ARHGAP15: variants seen among roughly 807,000 people sequenced by gnomAD.
ARHGAP15 encodes the protein Rho GTPase activating protein 15, also known as rho GTPase-activating protein 15.
In ARHGAP15, 51 loss-of-function variants were observed where a neutral mutation model predicts 63.7. That is an observed-to-expected ratio of 0.80 (90% CI 0.64 to 1.01). The LOEUF is 1.01. ARHGAP15 is among the 50% of genes least tolerant of loss of function. The pLI is 0.00. For missense variants in ARHGAP15, 560 were observed against 564.6 expected, an observed-to-expected ratio of 0.99 and a Z score of 0.08; for synonymous variants, 191 against 193.8, an observed-to-expected ratio of 0.99 and a Z score of 0.12.
At chr2:143,394,874 TGAG>T (rs1472793071) in intron 6 of ARHGAP15, among the ~76,000 whole-genome samples, 1 of 152,078 alleles carries the variant, frequency 6.6e-6, no homozygotes, top group African/African-American at 2.4e-5. Context: ...CTATGTCTTA[TGAG>T]GAGGAGAAAA....
At chr2:143,188,522 A>G (rs1484893174) in intron 2 of ARHGAP15, among the ~76,000 whole-genome samples, 1 of 151,702 alleles carries the variant, frequency 6.6e-6, no homozygotes, top group Non-Finnish European at 1.5e-5. Flanking sequence ...CTTGAACTAA[A>G]GGCTCTATTG....
At chr2:143,711,213 T>A (rs1048482403) in intron 13 of ARHGAP15, among the ~76,000 whole-genome samples, 1 of 152,178 alleles carries the variant, frequency 6.6e-6, no homozygotes, top group Non-Finnish European at 1.5e-5. Flanking sequence ...TTGCTGACCC[T>A]TCAACTCAAT....
chr2:143,498,672 T>TC (rs1286422119), intron 9 of ARHGAP15, among the ~76,000 whole-genome samples: 1 of 151,932 alleles, frequency 6.6e-6, no homozygotes, highest in Non-Finnish European at 1.5e-5. Flanking sequence ...CACCCAGAGC[T>TC]CCCACCCCCC....
intron 8 of ARHGAP15, among the ~76,000 whole-genome samples, chr2:143,458,400 T>A (rs535592344): frequency 6.6e-6 from 1 of 152,246 alleles, no homozygotes; most frequent in Admixed American, 6.5e-5. Context: ...GGACCAGAGC[T>A]TTGACCCTTG....
intron 4 of ARHGAP15, 31 bp from the exon 5 acceptor site, chr2:143,228,550 C>T (rs1297147444): frequency 6.8e-7 from 1 of 1,466,384 alleles, no homozygotes; most frequent in East Asian, 2.3e-5. Flanking sequence ...ACTGATAATG[C>T]TTTCTTTCCC....
chr2:143,740,527 A>C (rs1326427820), intron 13 of ARHGAP15, among the ~76,000 whole-genome samples: 1 of 152,246 alleles, frequency 6.6e-6, no homozygotes, highest in Non-Finnish European at 1.5e-5. Context: ...AAACTCATAA[A>C]AGAGCTCTGC....
intron 10 of ARHGAP15, among the ~76,000 whole-genome samples, chr2:143,526,281 A>G (rs1219373399): frequency 1.3e-5 from 2 of 152,120 alleles, no homozygotes; most frequent in East Asian, 1.9e-4. Flanking sequence ...AAATACAGCA[A>G]TGTGGCTCTG....
intron 6 of ARHGAP15, among the ~76,000 whole-genome samples, chr2:143,257,818 A>G (rs866378222): frequency 1.2e-4 from 18 of 152,110 alleles, no homozygotes; most frequent in South Asian, 2.1e-4. Context: ...CCACTGGGGA[A>G]TTTTATGGAG....
intron 9 of ARHGAP15, among the ~76,000 whole-genome samples, chr2:143,501,097 A>T (rs1388758961): frequency 6.6e-6 from 1 of 152,210 alleles, no homozygotes; most frequent in Non-Finnish European, 1.5e-5. Context: ...AATCTTTCAC[A>T]TAACAAGAGA....
At chr2:143,658,354 AG>A (rs1400181275) in intron 12 of ARHGAP15, among the ~76,000 whole-genome samples, 17 of 152,226 alleles carry the variant, frequency 1.1e-4, no homozygotes, top group African/African-American at 3.9e-4. Context: ...TTGTATCAAA[AG>A]CCTATACTCT....
At chr2:143,204,606 A>G (rs1465789069) in intron 3 of ARHGAP15, among the ~76,000 whole-genome samples, 1 of 152,122 alleles carries the variant, frequency 6.6e-6, no homozygotes, top group Non-Finnish European at 1.5e-5. Context: ...GGGGAAACAA[A>G]CATTCGGTCC....
At chr2:143,239,959 C>T (rs1693797925) in intron 5 of ARHGAP15, among the ~76,000 whole-genome samples, 1 of 141,776 alleles carries the variant, frequency 7.1e-6, no homozygotes, top group South Asian at 2.3e-4. Context: ...TCACTGCCCT[C>T]CACCCTGGGT....
At chr2:143,367,327 G>A (rs987402568) in intron 6 of ARHGAP15, among the ~76,000 whole-genome samples, 3 of 151,830 alleles carry the variant, frequency 2.0e-5, no homozygotes, top group Admixed American at 1.3e-4. Flanking sequence ...GTTGAAAAAT[G>A]TTGTTTTATT....
At chr2:143,668,182 C>T (rs1033407266) in intron 12 of ARHGAP15, among the ~76,000 whole-genome samples, 1 of 152,034 alleles carries the variant, frequency 6.6e-6, no homozygotes, top group Admixed American at 6.5e-5. Flanking sequence ...ATAGAAAGTA[C>T]TGTGTAGATA....
chr2:143,682,229 T>C (rs1399488732), intron 12 of ARHGAP15, among the ~76,000 whole-genome samples: 1 of 152,170 alleles, frequency 6.6e-6, no homozygotes, highest in African/African-American at 2.4e-5. Context: ...ACTTGGTAAA[T>C]GTTACTCTCT....
chr2:143,133,304 G>A lies in ARHGAP15; in HGVS notation c.-15+3838G>A, dbSNP rs538140861. Among the ~76,000 whole-genome samples the A allele has an allele frequency of 1.4e-4, 21 of 152,336 alleles. No homozygotes were observed. In the South Asian group the frequency reaches 2.9e-3, roughly 21 times the overall value. On this transcript the variant is annotated intron_variant, in intron 1 of 13. Coordinates refer to ENST00000295095, the MANE Select transcript of ARHGAP15 (RefSeq NM_018460.4). ...TAGTGTGAATTCTCCAGTTTTGTTA[G>A]ACAGAAGTATAGTAATAAGAGGTAG...
intron 6 of ARHGAP15, among the ~76,000 whole-genome samples, chr2:143,285,379 A>G (rs1019358420): frequency 2.6e-5 from 4 of 152,180 alleles, no homozygotes; most frequent in African/African-American, 4.8e-5. Flanking sequence ...TACAAAATCT[A>G]TGTGAAATAT....
At chr2:143,450,254 C>T (rs1198207498) in intron 8 of ARHGAP15, among the ~76,000 whole-genome samples, 6 of 150,004 alleles carry the variant, frequency 4.0e-5, no homozygotes, top group South Asian at 2.1e-4. Context: ...TTTTATTGAA[C>T]GAAATCCAGA....
intron 6 of ARHGAP15, chr2:143,344,357 A>G (rs887705132): frequency 6.6e-6 from 1 of 152,134 alleles, no homozygotes; most frequent in East Asian, 1.9e-4. Context: ...CAAGTTTTTT[A>G]AGATGTAAGA....
Sources: allele counts gnomAD v4.1 joint callset (sites outside exome capture counted in the v4.1 genomes callset), GRCh38; gene constraint gnomAD v4.1.1; transcripts MANE v1.5; gene names NCBI Gene and HGNC (gene_info 2026-07-23, HGNC 2026-07-21).